The following DENND10 variants were observed in gnomAD, a reference collection of about 807,000 sequenced individuals.
The protein encoded by DENND10 is DENN domain containing 10, also known as DENN domain-containing protein 10.
Under a neutral mutation model 43.6 loss-of-function variants are expected in DENND10, and 24 were observed. That is an observed-to-expected ratio of 0.55 (90% CI 0.40 to 0.77). The LOEUF is 0.77. DENND10 is among the 30% of genes least tolerant of loss of function. The pLI is 0.00. For missense variants in DENND10, 303 were observed against 429.9 expected (o/e 0.70, Z 2.61); for synonymous variants, 125 against 157.6 (o/e 0.79, Z 1.55).
Position 119,132,718 on chromosome 10 carries a change from C to T in DENND10, c.897+109C>T, listed in dbSNP as rs1449225005. ...AGTGGGGGGCTGTGGTAGAGGCCAG[C>T]GGGCAGGTGCTTAGAGAGGGTTTAC... On this transcript the variant is annotated intron_variant, in intron 8 of 8. Transcript: ENST00000361432. This position sits in a 1 kb window ranked among gnomAD's most constrained non-coding sequence, Gnocchi z 4.2. 10 of 867,230 alleles carry T rather than the reference C, an allele frequency of 1.2e-5. No individual in the cohort carries two copies. The highest frequency in any genetic ancestry group is 5.5e-5 in the South Asian group (4 of 72,352). The allele number at this position is 867,230 out of a possible 1,614,324, so 53.7% of individuals were successfully genotyped here.
intron 4 of DENND10, among the ~76,000 whole-genome samples, chr10:119,118,195 C>T (rs930002275): frequency 1.3e-5 from 2 of 151,920 alleles, no homozygotes; most frequent in Non-Finnish European, 2.9e-5. Flanking sequence ...TGCCTTTAAC[C>T]CCCGTATTTC....
At chr10:119,108,381 G>A (rs11198776) in intron 2 of DENND10, among the ~76,000 whole-genome samples, 53,559 of 151,240 alleles carry the variant, frequency 0.35, 9,834 homozygotes, top group Non-Finnish European at 0.4. Context: ...TACTCAGGAG[G>A]CTGAGGCAGG....
chr10:119,131,115 T>C (rs1049725247), intron 7 of DENND10, among the ~76,000 whole-genome samples: 1 of 152,164 alleles, frequency 6.6e-6, no homozygotes, highest in Non-Finnish European at 1.5e-5. Flanking sequence ...GAGCTAATGA[T>C]CAGGAAAGGG....
At chr10:119,116,576 TACA>T (rs967041884) in intron 3 of DENND10, among the ~76,000 whole-genome samples, 3 of 152,154 alleles carry the variant, frequency 2.0e-5, no homozygotes, top group African/African-American at 4.8e-5. Context: ...CCTGCCTTAG[TACA>T]ACAAGGGGCT....
chr10:119,104,234 C>T lies in DENND10; in HGVS notation c.55+37C>T, dbSNP rs778345823. 74 of 1,493,582 alleles carry T rather than the reference C, an allele frequency of 5.0e-5. 1 individual carries two copies. In the East Asian group the frequency reaches 9.5e-4, roughly 19 times the overall value. 92.5% of individuals were successfully genotyped at this position (1,493,582 alleles called of 1,614,324 possible). On this transcript the variant is annotated intron_variant, in intron 1 of 8. Coordinates refer to ENST00000361432, the MANE Select transcript of DENND10 (RefSeq NM_207009.4). ...GGCGCCCTGCCTGGAAGCCCGCACC[C>T]TGGTTCTGCCTCTGCTCCACCTCGG... is the stretch of plus-strand genomic sequence containing the variant.
chr10:119,121,444 C>CT (rs1284365687), intron 5 of DENND10, among the ~76,000 whole-genome samples: 2 of 140,982 alleles, frequency 1.4e-5, no homozygotes, highest in East Asian at 4.0e-4. Context: ...GCCATTAGGT[C>CT]CTTTTTTTTT....
Position 119,117,621 on chromosome 10 carries a change from T to C in DENND10, c.435T>C (p.Ser145=). The C allele has an allele frequency of 3.1e-6, 5 of 1,614,046 alleles. No homozygotes were observed. The highest frequency in any genetic ancestry group is 4.2e-6 in the Non-Finnish European group (5 of 1,179,966). Residue 145 remains serine (S), a synonymous_variant, in exon 4 of 9, where the codon AGT becomes AGC. Transcript: ENST00000361432. ...CQSEENGSFL[S]KDFDARKAYL... Reference sequence around the variant, plus strand: ...GTGAAGAAAACGGCTCTTTCCTTAGTAAGGATTTTGATGCCCGAAAGGCCT... The same window carrying C: ...GTGAAGAAAACGGCTCTTTCCTTAGCAAGGATTTTGATGCCCGAAAGGCCT...
intron 3 of DENND10, among the ~76,000 whole-genome samples, chr10:119,112,493 C>CTT (rs1353576739): frequency 0.01 from 1,383 of 133,498 alleles, 27 homozygotes; most frequent in African/African-American, 0.035. Context: ...TTTTCTTTTT[C>CTT]TTTTTTTTTT....
chr10:119,111,040 C>T (rs1393375304), intron 2 of DENND10, among the ~76,000 whole-genome samples: 1 of 151,748 alleles, frequency 6.6e-6, no homozygotes, highest in Non-Finnish European at 1.5e-5. Context: ...GTGGGTGGAT[C>T]ATTTGAGGCC....
At position 119,120,423 on chromosome 10, in the gene DENND10, C is replaced by CAAGA; in HGVS notation, c.565_568dup (p.Ile190LysfsTer35). ...AGAAAAGAATTGTGGTGTATCACCC[C>CAAGA]AAGATAGAAGCGGTCCAGGAGTTCA... On this transcript the variant is annotated frameshift_variant, in exon 5 of 9. Coordinates refer to ENST00000361432, the MANE Select transcript of DENND10 (RefSeq NM_207009.4). LOFTEE classifies it high-confidence loss of function. 6.2e-7 allele frequency: 1 copy of CAAGA among 1,611,568 alleles called. No homozygotes were observed. Among genetic ancestry groups the CAAGA allele is most frequent in the Non-Finnish European group, 8.5e-7 (1 of 1,177,764 alleles).
In DENND10 at chr10:119,130,718, GC is replaced by G. The variant is rs150056493; in HGVS notation, c.802+1097del. Among the ~76,000 whole-genome samples the G allele has an allele frequency of 1.3e-3, 198 of 152,338 alleles. 1 individual carries two copies. The highest frequency in any genetic ancestry group is 4.6e-3 in the African/African-American group (192 of 41,594). ...ACAGTCATCTGAAGGCTCCACTGGG[GC>G]TGGAACATCCGCTTTCAATGTGCAT... is the stretch of plus-strand genomic sequence containing the variant. On this transcript the variant is annotated intron_variant, in intron 7 of 8. Coordinates refer to ENST00000361432, the MANE Select transcript of DENND10 (RefSeq NM_207009.4).
chr10:119,128,721 C>G (rs578038707), intron 6 of DENND10, among the ~76,000 whole-genome samples: 1 of 152,236 alleles, frequency 6.6e-6, no homozygotes, highest in East Asian at 1.9e-4. Flanking sequence ...GTGGAGGCCT[C>G]AGGAAACTTA....
intron 2 of DENND10, among the ~76,000 whole-genome samples, chr10:119,109,041 C>T (rs956122814): frequency 7.9e-5 from 12 of 151,124 alleles, no homozygotes; most frequent in African/African-American, 2.2e-4. Flanking sequence ...ATGGAGAAAC[C>T]GCATCTCTAC....
At position 119,115,715 on chromosome 10, in the gene DENND10, A is replaced by G. The variant is rs1418381180; in HGVS notation, c.333-1804A>G. 2.7e-5 allele frequency among the ~76,000 whole-genome samples: 4 copies of G among 149,566 alleles called. No homozygotes were observed. In the Admixed American group the frequency reaches 2.7e-4, roughly 10 times the overall value. On this transcript the variant is annotated intron_variant, in intron 3 of 8. Transcript: ENST00000361432. ...TGACAAAAGTTGGCAAGCAGTTAAAACACTTGCTTTTTTCATTTAGTCTAT... is the reference window on the plus strand; with the variant it reads ...TGACAAAAGTTGGCAAGCAGTTAAAGCACTTGCTTTTTTCATTTAGTCTAT...
At chr10:119,126,198 A>G (rs2133512791) in intron 6 of DENND10, among the ~76,000 whole-genome samples, 1 of 151,282 alleles carries the variant, frequency 6.6e-6, no homozygotes, top group African/African-American at 2.4e-5. Flanking sequence ...TTTTCCATTC[A>G]TCTGTTGATG....
intron 4 of DENND10, among the ~76,000 whole-genome samples, chr10:119,119,755 T>C (rs1346044642): frequency 6.6e-6 from 1 of 151,530 alleles, no homozygotes; most frequent in Non-Finnish European, 1.5e-5. Context: ...GAAGTTTTAA[T>C]GATACAGAAA....
At chr10:119,104,406 G>T (rs1287132182) in intron 1 of DENND10, among the ~76,000 whole-genome samples, 2 of 150,012 alleles carry the variant, frequency 1.3e-5, no homozygotes, top group African/African-American at 4.8e-5. Context: ...CCGCCCGCCC[G>T]CGGCCGCCTG....
At chr10:119,106,673 A>G (rs1246294880) in intron 1 of DENND10, among the ~76,000 whole-genome samples, 1 of 152,234 alleles carries the variant, frequency 6.6e-6, no homozygotes, top group East Asian at 1.9e-4. Context: ...CACAGTTGGT[A>G]TGCAACATGG....
Position 119,132,431 on chromosome 10 carries a change from A to AGT in DENND10, c.803-80_803-79dup. On this transcript the variant is annotated intron_variant, in intron 7 of 8. Coordinates refer to ENST00000361432, the MANE Select transcript of DENND10 (RefSeq NM_207009.4). This position sits in a 1 kb window ranked among gnomAD's most constrained non-coding sequence, Gnocchi z 4.2. ...TCAGCTGCTTTTTGAAAATTCCCTC[A>AGT]GTGTGGTCTTCCAAGTTTTCAGATA... 1 of 1,092,344 alleles carries AGT rather than the reference A, an allele frequency of 9.2e-7. No individual in the cohort carries two copies. Among genetic ancestry groups the AGT allele is most frequent in the Non-Finnish European group, 1.4e-6 (1 of 709,162 alleles). 67.7% of individuals were successfully genotyped at this position (1,092,344 alleles called of 1,614,324 possible).
Sources: allele counts gnomAD v4.1 joint callset (sites outside exome capture counted in the v4.1 genomes callset), GRCh38; gene constraint gnomAD v4.1.1; non-coding constraint Gnocchi (gnomAD v3.1); transcripts MANE v1.5; gene names NCBI Gene and HGNC (gene_info 2026-07-23, HGNC 2026-07-21).